RUNX1T1: variants seen among roughly 807,000 people sequenced by gnomAD.
RUNX1T1 encodes the protein protein CBFA2T1.
A neutral mutation model predicts 62.8 loss-of-function variants in RUNX1T1; 4 were observed. That is an observed-to-expected ratio of 0.06 (90% CI 0.03 to 0.15). The LOEUF (loss-of-function observed/expected upper bound fraction) is 0.15, where lower values mean the gene tolerates loss of function less well. Among genes scored for constraint, RUNX1T1 ranks in the 10% least tolerant of loss-of-function variants. The pLI is 1.00. For missense variants in RUNX1T1, 508 were observed against 754.3 expected, an observed-to-expected ratio of 0.67 and a Z score of 3.82; for synonymous variants, 291 against 286.0, an observed-to-expected ratio of 1.02 and a Z score of -0.18.
At position 92,017,127 on chromosome 8, in the gene RUNX1T1, T is replaced by C. The variant is rs1823173364; in HGVS notation, c.145+99A>G. ...TTTTGGTTCATTTCTGCATAATACA[T>C]TGATGCTGAATTTTATTTTCCCTTG... On this transcript the variant is annotated intron_variant, in intron 2 of 10. Transcript: ENST00000396218. The C allele has an allele frequency of 6.6e-6, 6 of 903,210 alleles. No homozygotes were observed. In the African/African-American group the frequency reaches 1.0e-4, roughly 15 times the overall value. The allele number at this position is 903,210 out of a possible 1,614,324, so 55.9% of individuals were successfully genotyped here.
chr8:91,958,612 T>C (rs527416611), downstream of RUNX1T1: 1 of 182,820 alleles, frequency 5.5e-6, no homozygotes, highest in East Asian at 8.8e-5. Flanking sequence ...TATTTTATTT[T>C]TTTAAAAAAG....
At chr8:92,035,770 C>CAT (rs10608050) in intron 1 of RUNX1T1, among the ~76,000 whole-genome samples, 1,533 of 148,942 alleles carry the variant, frequency 0.01, 28 homozygotes, top group Admixed American at 0.026. Flanking sequence ...GAAATATCTG[C>CAT]ATATATATAT....
chr8:91,990,315 A>G (rs1817405575), intron 6 of RUNX1T1, among the ~76,000 whole-genome samples: 2 of 152,158 alleles, frequency 1.3e-5, no homozygotes, highest in African/African-American at 4.8e-5. Context: ...TGCTCTTTCC[A>G]GTGTCCAGGT....
At chr8:92,020,524 A>G (rs546730854) in intron 1 of RUNX1T1, among the ~76,000 whole-genome samples, 65 of 152,314 alleles carry the variant, frequency 4.3e-4, no homozygotes, top group Admixed American at 8.5e-4. Context: ...AGACTGACAC[A>G]AAATGATTAA....
chr8:92,092,011 C>G (rs563935202), intron 1 of RUNX1T1, among the ~76,000 whole-genome samples: 1 of 152,266 alleles, frequency 6.6e-6, no homozygotes, highest in Admixed American at 6.5e-5. Flanking sequence ...TGTGAAGCCA[C>G]AAACTCAGCT....
At chr8:92,007,955 G>C (rs575958261) in intron 4 of RUNX1T1, among the ~76,000 whole-genome samples, 1 of 128,010 alleles carries the variant, frequency 7.8e-6, no homozygotes, top group Non-Finnish European at 1.6e-5. Context: ...GTAACAGAGC[G>C]AGACTTTGTT....
At chr8:91,995,348 C>T (rs985608310) in intron 5 of RUNX1T1, among the ~76,000 whole-genome samples, 1 of 152,116 alleles carries the variant, frequency 6.6e-6, no homozygotes, top group African/African-American at 2.4e-5. Flanking sequence ...GCAGTAATGT[C>T]CTAAAAGGCA....
chr8:92,085,815 A>G (rs1011748350), intron 1 of RUNX1T1, among the ~76,000 whole-genome samples: 3 of 152,184 alleles, frequency 2.0e-5, no homozygotes, highest in African/African-American at 7.2e-5. Flanking sequence ...TCTCTCACAT[A>G]GGGGTCAACT....
At chr8:92,013,709 A>T (rs987460231) in intron 3 of RUNX1T1, among the ~76,000 whole-genome samples, 2 of 152,178 alleles carry the variant, frequency 1.3e-5, no homozygotes, top group African/African-American at 4.8e-5. Context: ...ACGCAAAAAA[A>T]GATATATGTT....
At chr8:92,006,761 A>G (rs945319266) in intron 4 of RUNX1T1, 2 of 151,078 alleles carry the variant, frequency 1.3e-5, no homozygotes, top group African/African-American at 4.9e-5. Flanking sequence ...TGTTGCACCT[A>G]TCAACCCATT....
At chr8:91,959,961 G>T (rs901011463) in exon 11 of RUNX1T1, 5 of 454,848 alleles carry the variant, frequency 1.1e-5, no homozygotes, top group Non-Finnish European at 2.0e-5. Context: ...CAGGGAGGAG[G>T]TCAAATCTAT....
At chr8:92,088,038 G>A (rs552644548) in intron 1 of RUNX1T1, among the ~76,000 whole-genome samples, 6 of 152,156 alleles carry the variant, frequency 3.9e-5, no homozygotes, top group Non-Finnish European at 8.8e-5. Context: ...GGTCAAATGC[G>A]GAACTCATTT....
chr8:92,024,579 CAATT>C (rs2131250011), intron 1 of RUNX1T1, among the ~76,000 whole-genome samples: 1 of 147,844 alleles, frequency 6.8e-6, no homozygotes, highest in East Asian at 2.1e-4. Flanking sequence ...AAATTCTTCT[CAATT>C]GTCTCTTTAT....
intron 1 of RUNX1T1, among the ~76,000 whole-genome samples, chr8:92,048,868 T>C (rs1829814276): frequency 6.6e-6 from 1 of 152,178 alleles, no homozygotes. Flanking sequence ...ATAATGGTCA[T>C]TGTCCTTAAG....
intron 1 of RUNX1T1, among the ~76,000 whole-genome samples, chr8:92,043,774 C>T (rs113825835): frequency 0.029 from 4,391 of 151,914 alleles, 208 homozygotes; most frequent in African/African-American, 0.098. Context: ...GTCAGAAGTT[C>T]GAGACCAGCC....
chr8:92,063,064 A>T, upstream of RUNX1T1: 1 of 599,110 alleles, frequency 1.7e-6, no homozygotes, highest in Non-Finnish European at 2.2e-6. Context: ...GCTTCCCTTC[A>T]TCTTCTCATT....
intron 1 of RUNX1T1, among the ~76,000 whole-genome samples, chr8:92,043,850 C>T (rs1258365014): frequency 3.3e-5 from 5 of 151,688 alleles, no homozygotes; most frequent in African/African-American, 9.7e-5. Context: ...TGTTGACAGG[C>T]ACCTGTAATC....
chr8:91,955,995 A>T (rs907751228), downstream of RUNX1T1: 2 of 230,082 alleles, frequency 8.7e-6, no homozygotes, highest in Admixed American at 1.1e-4. Context: ...TTTTAATTAG[A>T]GGAGAGGGGA....
In RUNX1T1 at chr8:92,055,429, CG is replaced by C. The variant is rs1416017253; in HGVS notation, c.7+7116del. Among the ~76,000 whole-genome samples the C allele has an allele frequency of 5.3e-5, 8 of 152,036 alleles. No homozygotes were observed. The East Asian group carries it at 1.4e-3, about 26-fold the overall frequency. On this transcript the variant is annotated intron_variant, in intron 1 of 10. Transcript: ENST00000396218. ...GGCTTACCAACTTTGGGAGGCACTT[CG>C]CGTTTGTATTAATTTATTAATTTTT...
Sources: gnomAD v4.1 joint callset for allele counts (sites outside exome capture counted in the v4.1 genomes callset) on GRCh38, gnomAD v4.1.1 for gene constraint, MANE v1.5 for transcripts, NCBI Gene and HGNC (gene_info 2026-07-23, HGNC 2026-07-21) for gene names.